Variants in MYH10 observed in about 807,000 individuals in gnomAD.
MYH10 encodes the protein myosin heavy chain 10.
MYH10 carries 55 observed loss-of-function variants against 257.8 expected under a neutral mutation model. The ratio of observed to expected loss-of-function variants is 0.21; its 90% CI spans 0.17 to 0.27. The LOEUF is 0.27. MYH10 is among the 10% of genes least tolerant of loss of function. MYH10 has a pLI of 1.00. For synonymous variants in MYH10, 854 were observed against 921.7 expected, an observed-to-expected ratio of 0.93 and a Z score of 1.33; for missense variants, 1,631 against 2,500.6, an observed-to-expected ratio of 0.65 and a Z score of 7.42.
At chr17:8,524,327 G>A (rs2081761666) in intron 17 of MYH10, among the ~76,000 whole-genome samples, 1 of 151,904 alleles carries the variant, frequency 6.6e-6, no homozygotes, top group Non-Finnish European at 1.5e-5. Flanking sequence ...GTGCACACCT[G>A]TAGTTCCAGC....
In MYH10 at chr17:8,480,503, G is replaced by T. The variant is rs150332952; in HGVS notation, c.5287C>A (p.Arg1763=). ...TGTGCGATCCGAGCTTCCAGACGCC[G>T]CTTCTCATCCAGCAGCGCGGACCTG... The part of the protein sequence containing the change: ...SGKSALLDEK[R]RLEARIAQLE... Residue 1763 remains arginine (R), a synonymous_variant, in exon 39 of 43, where the codon CGG becomes AGG. Transcript: ENST00000360416. 19,306 of 1,609,944 alleles carry T rather than the reference G, an allele frequency of 0.012. 140 individuals carry two copies. Among genetic ancestry groups the T allele is most frequent in the Non-Finnish European group, 0.014 (16,394 of 1,179,838 alleles).
At chr17:8,501,526 G>T (rs1404432860) in intron 28 of MYH10, among the ~76,000 whole-genome samples, 1 of 152,188 alleles carries the variant, frequency 6.6e-6, no homozygotes, top group East Asian at 1.9e-4. Flanking sequence ...GGTGACAAAG[G>T]CCAAATGAAT....
At chr17:8,570,968 C>T (rs1050353085) in intron 6 of MYH10, among the ~76,000 whole-genome samples, 8 of 152,082 alleles carry the variant, frequency 5.3e-5, no homozygotes, top group South Asian at 2.1e-4. Flanking sequence ...CTGGACTATC[C>T]GCATGTTCAT....
intron 2 of MYH10, among the ~76,000 whole-genome samples, chr17:8,607,195 T>C (rs916550067): frequency 1.3e-5 from 2 of 152,156 alleles, no homozygotes; most frequent in African/African-American, 4.8e-5. Flanking sequence ...TCACAGTCTA[T>C]AAGGAAGCTA....
At chr17:8,622,262 T>A (rs1329112739) in intron 2 of MYH10, among the ~76,000 whole-genome samples, 1 of 152,194 alleles carries the variant, frequency 6.6e-6, no homozygotes, top group Non-Finnish European at 1.5e-5. Context: ...GGCTTACATT[T>A]TTCCTCTCTA....
rs755405256 is a variant in MYH10 at position 8,518,800 on chromosome 17, GAA to G, written c.2344-11_2344-10del. 5.2e-4 allele frequency: 834 copies of G among 1,606,580 alleles called. No individual in the cohort carries two copies. The highest frequency in any genetic ancestry group is 6.6e-4 in the Non-Finnish European group (772 of 1,177,958). On this transcript the variant is annotated splice_polypyrimidine_tract_variant and intron_variant, in intron 20 of 42. Transcript: ENST00000360416. ...AATTCTAAAGCCCGGATCTAAGAGAGAAAGAGTTTATTTACTTTTTTTAACTA... is the reference window on the plus strand; with the variant it reads ...AATTCTAAAGCCCGGATCTAAGAGAGAGAGTTTATTTACTTTTTTTAACTA...
At chr17:8,615,528 G>A (rs2085225465) in intron 2 of MYH10, among the ~76,000 whole-genome samples, 1 of 152,138 alleles carries the variant, frequency 6.6e-6, no homozygotes, top group Non-Finnish European at 1.5e-5. Flanking sequence ...ACTGATGAAT[G>A]AGGATGCAAA....
At chr17:8,595,420 C>A in intron 3 of MYH10, among the ~76,000 whole-genome samples, 1 of 112,360 alleles carries the variant, frequency 8.9e-6, no homozygotes. Context: ...CCAGTAAGAA[C>A]AGTTCTTTTT....
intron 2 of MYH10, among the ~76,000 whole-genome samples, chr17:8,607,137 T>C (rs907967424): frequency 6.6e-6 from 1 of 152,194 alleles, no homozygotes; most frequent in African/African-American, 2.4e-5. Context: ...AACCATACAT[T>C]GATGAATTTT....
At chr17:8,583,757 TTTG>T (rs2083796411) in intron 4 of MYH10, among the ~76,000 whole-genome samples, 1 of 152,238 alleles carries the variant, frequency 6.6e-6, no homozygotes, top group East Asian at 1.9e-4. Flanking sequence ...TAATGTAATA[TTTG>T]TATATAATAG....
chr17:8,480,408 A>T lies in MYH10; in HGVS notation c.5382T>A (p.Thr1794=). 1 of 1,613,442 alleles carries T rather than the reference A, an allele frequency of 6.2e-7. No individual in the cohort carries two copies. Among genetic ancestry groups the T allele is most frequent in the South Asian group, 1.1e-5 (1 of 91,058 alleles). The change falls in exon 39 of 43, where the codon ACT becomes ACA. Residue 1794 remains threonine (T), a synonymous_variant. Transcript: ENST00000360416. ...GGGCTCCTGCATGGGCCACCTGTAG[A>T]GTGGTCTTGCGGAAGCGGTCGTTGA... ...ELLNDRFRKT[T]LQVDTLNAEL...
Position 8,512,643 on chromosome 17 carries a change from C to G in MYH10, c.2760G>C (p.Lys920Asn). ...ERKHQQLLEE[K>N]NILAEQLQAE... The stretch of plus-strand genomic sequence containing the variant: ...CTTGTAGTTGTTCTGCAAGGATATT[C>G]TTCTCTTCTAAAAGCTGCAATCACA... The change falls in exon 24 of 43, where the codon AAG (lysine) becomes AAC (asparagine). Residue 920 changes from lysine (K) to asparagine (N), a missense_variant. Transcript: ENST00000360416. The G allele has an allele frequency of 6.2e-7, 1 of 1,612,010 alleles. No homozygotes were observed. Among genetic ancestry groups the G allele is most frequent in the Non-Finnish European group, 8.5e-7 (1 of 1,179,792 alleles).
At chr17:8,480,711 C>T in intron 38 of MYH10, 186 bp from the exon 39 acceptor site, 1 of 714,960 alleles carries the variant, frequency 1.4e-6, no homozygotes, top group Non-Finnish European at 2.4e-6. Context: ...AACACCCTCC[C>T]CCGCTGCCAC....
chr17:8,510,267 C>T (rs953741342), intron 24 of MYH10, among the ~76,000 whole-genome samples: 3 of 151,946 alleles, frequency 2.0e-5, no homozygotes, highest in East Asian at 1.9e-4. Flanking sequence ...TGGTCTTGAT[C>T]TCCTGACCTC....
chr17:8,587,283 C>T (rs1352425412), intron 4 of MYH10, among the ~76,000 whole-genome samples: 1 of 152,160 alleles, frequency 6.6e-6, no homozygotes, highest in Admixed American at 6.5e-5. Flanking sequence ...ACCTGTAGAA[C>T]CGTGCTGATT....
intron 7 of MYH10, among the ~76,000 whole-genome samples, chr17:8,567,023 G>A (rs971694301): frequency 6.6e-6 from 1 of 152,176 alleles, no homozygotes; most frequent in Non-Finnish European, 1.5e-5. Flanking sequence ...CTTGATTTCT[G>A]TGGTAAGATA....
intron 31 of MYH10, among the ~76,000 whole-genome samples, chr17:8,494,444 C>G (rs1916264722): frequency 6.6e-6 from 1 of 152,188 alleles, no homozygotes; most frequent in Admixed American, 6.5e-5. Flanking sequence ...CTCCTCTAGT[C>G]TCACTCACCA....
chr17:8,567,002 T>C (rs961793792), intron 7 of MYH10, among the ~76,000 whole-genome samples: 3 of 152,150 alleles, frequency 2.0e-5, no homozygotes, highest in Non-Finnish European at 4.4e-5. Context: ...GGAAACAGAA[T>C]AGATTAGTAA....
chr17:8,495,361 C>A (rs1303158557), intron 30 of MYH10, 120 bp from the exon 31 acceptor site: 8 of 652,126 alleles, frequency 1.2e-5, no homozygotes, highest in Non-Finnish European at 2.2e-5. Flanking sequence ...TGAAACTACC[C>A]ATTCAGTTAA....
Sources: gnomAD v4.1 joint callset for allele counts (sites outside exome capture counted in the v4.1 genomes callset) on GRCh38, gnomAD v4.1.1 for gene constraint, MANE v1.5 for transcripts, NCBI Gene and HGNC (gene_info 2026-07-23, HGNC 2026-07-21) for gene names.